The following COLEC10 variants were observed in gnomAD, a reference collection of about 807,000 sequenced individuals.
The protein encoded by COLEC10 is collectin-10.
Under a neutral mutation model 28.4 loss-of-function variants are expected in COLEC10, and 22 were observed. That is an observed-to-expected ratio of 0.78 (90% CI 0.55 to 1.11). The LOEUF is 1.11. COLEC10 is among the 50% of genes least tolerant of loss of function. The pLI, the probability that COLEC10 is intolerant of heterozygous loss-of-function variation, is 0.00. For synonymous variants in COLEC10, 125 were observed against 116.1 expected, an observed-to-expected ratio of 1.08 and a Z score of -0.49; for missense variants, 361 against 344.1, an observed-to-expected ratio of 1.05 and a Z score of -0.39.
At chr8:119,003,564 G>A (rs1813737691) in intron 1 of COLEC10, among the ~76,000 whole-genome samples, 1 of 152,022 alleles carries the variant, frequency 6.6e-6, no homozygotes, top group Non-Finnish European at 1.5e-5. Context: ...TGTAAAGTTG[G>A]GTAGTTCAAG....
intron 1 of COLEC10, among the ~76,000 whole-genome samples, chr8:118,997,182 A>T (rs1402102956): frequency 6.6e-6 from 1 of 152,186 alleles, no homozygotes; most frequent in Admixed American, 6.5e-5. Context: ...GAATCACATG[A>T]GTTCCTTATA....
At chr8:119,092,079 T>TTC (rs1815616369) in intron 3 of COLEC10, among the ~76,000 whole-genome samples, 2 of 149,604 alleles carry the variant, frequency 1.3e-5, no homozygotes, top group African/African-American at 4.9e-5. Context: ...TTTTTTTTTT[T>TTC]TTTTTTTTGA....
At chr8:119,030,639 A>T (rs1388966274) in intron 2 of COLEC10, among the ~76,000 whole-genome samples, 5 of 152,222 alleles carry the variant, frequency 3.3e-5, no homozygotes, top group Admixed American at 3.3e-4. Flanking sequence ...AGGTCATAAC[A>T]GCAGTCACTT....
the COLEC10 span, among the ~76,000 whole-genome samples, chr8:118,971,890 C>T: frequency 6.6e-6 from 1 of 151,974 alleles, no homozygotes; most frequent in Non-Finnish European, 1.5e-5. Context: ...TCAGTAGAAT[C>T]AGCAGCATTG....
intron 3 of COLEC10, among the ~76,000 whole-genome samples, chr8:119,098,366 G>T (rs964842748): frequency 6.6e-6 from 1 of 152,050 alleles, no homozygotes. Flanking sequence ...TACCAGTCTT[G>T]AAATGATAGG....
chr8:118,965,887 G>T, the COLEC10 span, among the ~76,000 whole-genome samples: 3 of 151,926 alleles, frequency 2.0e-5, no homozygotes, highest in African/African-American at 7.3e-5. Context: ...ATTCTTTCCA[G>T]GCCATGACTA....
chr8:118,966,802 A>C, the COLEC10 span, among the ~76,000 whole-genome samples: 3 of 151,998 alleles, frequency 2.0e-5, no homozygotes, highest in Non-Finnish European at 2.9e-5. Flanking sequence ...TTGAATGCCA[A>C]GGCATACCAT....
chr8:118,975,752 G>T, the COLEC10 span, among the ~76,000 whole-genome samples: 1 of 152,018 alleles, frequency 6.6e-6, no homozygotes, highest in African/African-American at 2.4e-5. Flanking sequence ...GAATGTCAAG[G>T]AGAGAGAAAA....
chr8:119,060,719 G>A (rs879850657), intron 2 of COLEC10, among the ~76,000 whole-genome samples: 1 of 152,124 alleles, frequency 6.6e-6, no homozygotes, highest in Non-Finnish European at 1.5e-5. Flanking sequence ...TAATGAGAAT[G>A]AGAGGCTCCC....
the COLEC10 span, among the ~76,000 whole-genome samples, chr8:118,955,436 G>A: frequency 3.9e-5 from 6 of 152,172 alleles, no homozygotes; most frequent in African/African-American, 1.4e-4. Context: ...TTGCCTGAAC[G>A]TGTTGGACTA....
the COLEC10 span, among the ~76,000 whole-genome samples, chr8:118,965,605 G>A: frequency 6.6e-6 from 1 of 151,930 alleles, no homozygotes; most frequent in African/African-American, 2.4e-5. Flanking sequence ...CAGTCTCCGT[G>A]TGAGATGGTA....
Position 119,105,417 on chromosome 8 carries a change from T to A in COLEC10, c.443-383T>A, listed in dbSNP as rs574950158. Among the ~76,000 whole-genome samples the A allele has an allele frequency of 1.9e-3, 285 of 152,228 alleles. 1 individual carries two copies. The highest frequency in any genetic ancestry group is 5.4e-3 in the South Asian group (26 of 4,806). ...GAAGTTTACCAGGTAGAAAAGACTT[T>A]CTAGGCATAAAAGGCTTGGAAGTAT... On this transcript the variant is annotated intron_variant, in intron 5 of 5. Transcript: ENST00000332843.
chr8:119,034,001 T>C (rs1814340045), intron 2 of COLEC10, among the ~76,000 whole-genome samples: 1 of 152,074 alleles, frequency 6.6e-6, no homozygotes. Context: ...CAAATGCCCA[T>C]CAATAAATAG....
At chr8:118,976,708 A>G in the COLEC10 span, 1 of 152,222 alleles carries the variant, frequency 6.6e-6, no homozygotes, top group Non-Finnish European at 1.5e-5. Flanking sequence ...TCATGTCTAA[A>G]ACACCAAAAG....
upstream of COLEC10, among the ~76,000 whole-genome samples, chr8:118,995,144 G>T (rs1232576636): frequency 6.6e-6 from 1 of 152,144 alleles, no homozygotes; most frequent in African/African-American, 2.4e-5. Flanking sequence ...AGTGTGTATT[G>T]TCTTTATTTG....
At chr8:119,045,024 T>G (rs1468923661) in intron 2 of COLEC10, among the ~76,000 whole-genome samples, 1 of 152,218 alleles carries the variant, frequency 6.6e-6, no homozygotes, top group Non-Finnish European at 1.5e-5. Flanking sequence ...TCCCATGTTC[T>G]TATTAATAAA....
chr8:119,085,610 T>G (rs939491819), intron 1 of COLEC10, among the ~76,000 whole-genome samples: 1 of 105,780 alleles, frequency 9.5e-6, no homozygotes, highest in Non-Finnish European at 2.2e-5. Flanking sequence ...TTTTTTTTTT[T>G]TTTTTTTTTT....
At chr8:119,011,344 A>G (rs942778421) in intron 2 of COLEC10, among the ~76,000 whole-genome samples, 5 of 150,904 alleles carry the variant, frequency 3.3e-5, no homozygotes, top group African/African-American at 1.2e-4. Flanking sequence ...CTATTTGTCT[A>G]TTCTTTTGCC....
intron 3 of COLEC10, among the ~76,000 whole-genome samples, chr8:119,099,633 C>A (rs1815783558): frequency 1.3e-5 from 2 of 150,216 alleles, no homozygotes; most frequent in African/African-American, 4.8e-5. Context: ...GAAAAGAATT[C>A]ATGTCAAAAT....
Sources: allele counts gnomAD v4.1 joint callset (sites outside exome capture counted in the v4.1 genomes callset), GRCh38; gene constraint gnomAD v4.1.1; transcripts MANE v1.5; gene names NCBI Gene and HGNC (gene_info 2026-07-23, HGNC 2026-07-21).